The following NKAIN2 variants were observed in gnomAD, a reference collection of about 807,000 sequenced individuals.
NKAIN2 encodes sodium/potassium transporting ATPase interacting 2.
Under a neutral mutation model 32.6 loss-of-function variants are expected in NKAIN2, and 14 were observed. That is an observed-to-expected ratio of 0.43 (90% CI 0.28 to 0.67). The LOEUF (loss-of-function observed/expected upper bound fraction) is 0.67, where lower values mean the gene tolerates loss of function less well. Ranked by LOEUF, NKAIN2 falls within the 30% of genes least tolerant of loss-of-function variation. The pLI, the probability that NKAIN2 is intolerant of heterozygous loss-of-function variation, is 0.17. For synonymous variants in NKAIN2, 80 were observed against 87.2 expected, an observed-to-expected ratio of 0.92 and a Z score of 0.46; for missense variants, 198 against 258.3, an observed-to-expected ratio of 0.77 and a Z score of 1.60.
At chr6:124,658,123 T>C (rs1464291296) in intron 3 of NKAIN2, 63 bp from the exon 4 acceptor site, 6 of 1,300,086 alleles carry the variant, frequency 4.6e-6, no homozygotes, top group Non-Finnish European at 6.4e-6. Flanking sequence ...AGCAAGTCAG[T>C]CCCAAGTAAG....
chr6:123,848,451 A>G (rs1391668786), intron 1 of NKAIN2, among the ~76,000 whole-genome samples: 2 of 152,194 alleles, frequency 1.3e-5, no homozygotes, highest in Admixed American at 1.3e-4. Flanking sequence ...TGCTGGTCTC[A>G]TAATAGTCAG....
chr6:124,661,349 G>C (rs186336398), intron 4 of NKAIN2, among the ~76,000 whole-genome samples: 1 of 152,202 alleles, frequency 6.6e-6, no homozygotes, highest in East Asian at 1.9e-4. Context: ...TTCATAAACT[G>C]CTGCTTTCTC....
chr6:124,779,937 G>C (rs1397665973), intron 4 of NKAIN2, among the ~76,000 whole-genome samples: 1 of 152,146 alleles, frequency 6.6e-6, no homozygotes, highest in Non-Finnish European at 1.5e-5. Flanking sequence ...TTTTGGTTTG[G>C]TGTGTTATGT....
chr6:124,585,628 T>G (rs1321357741), intron 3 of NKAIN2, among the ~76,000 whole-genome samples: 2 of 152,094 alleles, frequency 1.3e-5, no homozygotes. Context: ...GAGCAAAACA[T>G]CTGATCAGAC....
chr6:124,475,808 G>A (rs994193072), intron 3 of NKAIN2, among the ~76,000 whole-genome samples: 1 of 151,990 alleles, frequency 6.6e-6, no homozygotes, highest in Non-Finnish European at 1.5e-5. Context: ...TTTCTTTCCC[G>A]AAAGCATTTG....
At chr6:124,073,621 AG>A (rs1322703889) in intron 1 of NKAIN2, among the ~76,000 whole-genome samples, 1 of 152,110 alleles carries the variant, frequency 6.6e-6, no homozygotes, top group Non-Finnish European at 1.5e-5. Flanking sequence ...TATATTTTAA[AG>A]TTAAAGTCAT....
In NKAIN2 at chr6:124,258,851, T is replaced by C. The variant is rs762831510; in HGVS notation, c.55-24154T>C. Among the ~76,000 whole-genome samples, 3 of 152,232 alleles carry C rather than the reference T, an allele frequency of 2.0e-5. No homozygotes were observed. In the South Asian group the frequency reaches 6.2e-4, roughly 32 times the overall value. On this transcript the variant is annotated intron_variant, in intron 1 of 6. Coordinates refer to ENST00000368417, the MANE Select transcript of NKAIN2 (RefSeq NM_001040214.3). ...TAACCTTAGTCATTAGGGGAAGTAC[T>C]CTCTTCCCTATAGTCTTGTCATGGT...
chr6:124,474,799 T>C (rs1043309342), intron 3 of NKAIN2, among the ~76,000 whole-genome samples: 9 of 148,542 alleles, frequency 6.1e-5, no homozygotes, highest in Admixed American at 1.4e-4. Flanking sequence ...TATATATATA[T>C]ACACACATAT....
At chr6:124,013,400 T>C (rs1211607162) in intron 1 of NKAIN2, among the ~76,000 whole-genome samples, 1 of 152,206 alleles carries the variant, frequency 6.6e-6, no homozygotes, top group African/African-American at 2.4e-5. Flanking sequence ...AGGTTTATAC[T>C]AGGTTTTCAT....
chr6:124,350,503 TAAATG>T (rs1235083523), intron 2 of NKAIN2, among the ~76,000 whole-genome samples: 1 of 152,120 alleles, frequency 6.6e-6, no homozygotes, highest in Non-Finnish European at 1.5e-5. Context: ...TGAGGAAAGT[TAAATG>T]AGATAAATTA....
chr6:124,729,140 C>G (rs1776509054), intron 4 of NKAIN2, among the ~76,000 whole-genome samples: 1 of 152,222 alleles, frequency 6.6e-6, no homozygotes, highest in Non-Finnish European at 1.5e-5. Context: ...TGAGGAGGAA[C>G]TGGTACCATT....
intron 3 of NKAIN2, among the ~76,000 whole-genome samples, chr6:124,602,838 C>G (rs940230536): frequency 2.6e-5 from 4 of 151,900 alleles, no homozygotes; most frequent in Non-Finnish European, 4.4e-5. Flanking sequence ...AGCATGAGAA[C>G]AAACCCCCTT....
At chr6:124,781,591 G>A (rs988541237) in intron 4 of NKAIN2, among the ~76,000 whole-genome samples, 1 of 152,026 alleles carries the variant, frequency 6.6e-6, no homozygotes, top group South Asian at 2.1e-4. Flanking sequence ...ATTCCCAAAC[G>A]GTAATAATGG....
At chr6:124,297,211 C>T (rs926414162) in intron 2 of NKAIN2, among the ~76,000 whole-genome samples, 8 of 152,078 alleles carry the variant, frequency 5.3e-5, no homozygotes, top group Non-Finnish European at 1.0e-4. Context: ...AGTTTTGACT[C>T]CCCCAAATCT....
At chr6:124,514,358 G>A (rs1004121507) in intron 3 of NKAIN2, among the ~76,000 whole-genome samples, 1 of 152,168 alleles carries the variant, frequency 6.6e-6, no homozygotes, top group African/African-American at 2.4e-5. Flanking sequence ...GGCTATCCCA[G>A]CAAGCCTGAT....
chr6:123,883,477 A>G (rs1773554890), intron 1 of NKAIN2, among the ~76,000 whole-genome samples: 1 of 147,982 alleles, frequency 6.8e-6, no homozygotes, highest in East Asian at 2.0e-4. Context: ...TGTTTTTTAA[A>G]AAGTGTGTAG....
chr6:124,094,115 C>A (rs1784547845), intron 1 of NKAIN2, among the ~76,000 whole-genome samples: 1 of 152,118 alleles, frequency 6.6e-6, no homozygotes, highest in Non-Finnish European at 1.5e-5. Context: ...TGCCATGTAA[C>A]ACCCATTAAC....
At chr6:124,205,956 A>G (rs565837002) in intron 1 of NKAIN2, among the ~76,000 whole-genome samples, 7 of 152,058 alleles carry the variant, frequency 4.6e-5, no homozygotes, top group Admixed American at 4.6e-4. Flanking sequence ...TACAAAGAAC[A>G]CAAATATGTG....
chr6:124,411,092 G>T (rs1341073651), intron 3 of NKAIN2, among the ~76,000 whole-genome samples: 4 of 151,872 alleles, frequency 2.6e-5, no homozygotes, highest in Non-Finnish European at 5.9e-5. Flanking sequence ...CGTGAGATGG[G>T]TTTCCTGAAT....
Sources: gnomAD v4.1 joint callset for allele counts (sites outside exome capture counted in the v4.1 genomes callset) on GRCh38, gnomAD v4.1.1 for gene constraint, MANE v1.5 for transcripts, NCBI Gene and HGNC (gene_info 2026-07-23, HGNC 2026-07-21) for gene names.